AKNA: variants seen among roughly 807,000 people sequenced by gnomAD.
AKNA encodes the protein microtubule organization protein AKNA.
AKNA carries 67 observed loss-of-function variants against 138.8 expected under a neutral mutation model. The observed-to-expected ratio is 0.48, with a 90% CI of 0.40 to 0.59. The LOEUF (loss-of-function observed/expected upper bound fraction) is 0.59. Among genes scored for constraint, AKNA ranks in the 20% least tolerant of loss-of-function variants. The probability of loss-of-function intolerance (pLI) is 0.00; values close to 1 mark genes in which losing one functional copy is unlikely to be tolerated. For synonymous variants in AKNA, 737 were observed against 754.4 expected (o/e 0.98, Z 0.38); for missense variants, 1,813 against 1,880.4 (o/e 0.96, Z 0.66).
At chr9:114,352,611 T>C (rs183240591) in intron 14 of AKNA, among the ~76,000 whole-genome samples, 60 of 147,668 alleles carry the variant, frequency 4.1e-4, no homozygotes, top group Admixed American at 1.2e-3. Context: ...AAAAAAAGTT[T>C]AATTAAAAAC....
At chr9:114,342,901 C>T (rs867896656) in intron 19 of AKNA, among the ~76,000 whole-genome samples, 5 of 152,156 alleles carry the variant, frequency 3.3e-5, no homozygotes, top group African/African-American at 9.7e-5. Context: ...CAGGCATGAA[C>T]GGAGAGGCCT....
chr9:114,368,638 G>A (rs1345088959), intron 4 of AKNA, 43 bp from the exon 5 acceptor site: 2 of 1,322,366 alleles, frequency 1.5e-6, no homozygotes, highest in South Asian at 2.7e-5. Flanking sequence ...TCAGGGTAGG[G>A]GCAAACCCAC....
chr9:114,376,915 T>C lies in AKNA; in HGVS notation c.892A>G (p.Lys298Glu), dbSNP rs1298221311. The C allele has an allele frequency of 3.7e-6, 6 of 1,614,224 alleles. No homozygotes were observed. The highest frequency in any genetic ancestry group is 5.1e-6 in the Non-Finnish European group (6 of 1,180,030). The change falls in exon 3 of 22, where the codon AAG becomes GAG. Residue 298 changes from lysine (K) to glutamate (E), a missense_variant. Coordinates refer to ENST00000374088, the MANE Select transcript of AKNA (RefSeq NM_001317950.2). Reference protein sequence around the residue: ...FCPQPKEHIWKQTKTSPKPLP... With the variant: ...FCPQPKEHIWEQTKTSPKPLP... ...GGCTTAGGTGACGTCTTTGTCTGCT[T>C]CCAGATGTGTTCCTTGGGCTGAGGG...
At chr9:114,357,517 G>T (rs1431920660) in intron 12 of AKNA, among the ~76,000 whole-genome samples, 5 of 31,666 alleles carry the variant, frequency 1.6e-4, no homozygotes, top group Non-Finnish European at 3.2e-4. Context: ...CTACAGAAGT[G>T]TGTGTGTGTG....
At position 114,377,009 on chromosome 9, in the gene AKNA, T is replaced by G. The variant is rs753436871; in HGVS notation, c.798A>C (p.Ser266=). ...RATPMEFQDS[S]APPAQSPQHA... ...GCTGCGGACTCTGGGCTGGGGGAGCTGAGGAGTCCTGGAATTCCATGGGGG... is the reference window on the plus strand; with the variant it reads ...GCTGCGGACTCTGGGCTGGGGGAGCGGAGGAGTCCTGGAATTCCATGGGGG... The change falls in exon 3 of 22, where the codon TCA becomes TCC. Residue 266 remains serine (S), a synonymous_variant. Coordinates refer to ENST00000374088, the MANE Select transcript of AKNA (RefSeq NM_001317950.2). 25 of 1,613,848 alleles carry G rather than the reference T, an allele frequency of 1.5e-5. No individual in the cohort carries two copies. Among genetic ancestry groups the G allele is most frequent in the Non-Finnish European group, 1.9e-5 (23 of 1,179,960 alleles).
Position 114,377,643 on chromosome 9 carries a change from T to G in AKNA, c.275-111A>C. On this transcript the variant is annotated intron_variant, in intron 2 of 21. Coordinates refer to ENST00000374088, the MANE Select transcript of AKNA (RefSeq NM_001317950.2). ...CTTCCATTTCCTCATCACGTGGGGA[T>G]GGAAAGAATCCCAAGGTGGTGGTAG... 3 of 1,121,468 alleles carry G rather than the reference T, an allele frequency of 2.7e-6. No individual in the cohort carries two copies. In the South Asian group the frequency reaches 4.8e-5, roughly 18 times the overall value. 69.5% of individuals were successfully genotyped at this position (1,121,468 alleles called of 1,614,324 possible).
chr9:114,342,788 C>T (rs1830445157), intron 19 of AKNA, among the ~76,000 whole-genome samples: 2 of 151,492 alleles, frequency 1.3e-5, no homozygotes, highest in African/African-American at 4.9e-5. Context: ...TGCTCCCCTA[C>T]CCCAGCTTTG....
chr9:114,398,165 G>A (rs929313149), upstream of AKNA, among the ~76,000 whole-genome samples: 38 of 152,280 alleles, frequency 2.5e-4, no homozygotes, highest in African/African-American at 7.7e-4. The surrounding 1 kb of genome is among the most constrained non-coding windows in gnomAD (Gnocchi z 4.2). Context: ...GAGGCCGGAG[G>A]GTGGAGACTG....
rs181195161 is a variant in AKNA, at chr9:114,341,650, G to A, written c.3950C>T (p.Ser1317Leu). Residue 1317 changes from serine (S) to leucine (L), a missense_variant, in exon 21 of 22, where the codon TCG becomes TTG. Transcript: ENST00000374088. Reference sequence around the variant, plus strand: ...CAGTCCGGGGGGTGGGCGTGGCGACGACCCCGCCTGCTTGCTCCTCTGCTT... The same window carrying A: ...CAGTCCGGGGGGTGGGCGTGGCGACAACCCCGCCTGCTTGCTCCTCTGCTT... Reference protein sequence around the residue: ...SPKQRSKQAGSSPRPPPGLWY... With the variant: ...SPKQRSKQAGLSPRPPPGLWY... 3.3e-5 allele frequency: 53 copies of A among 1,609,906 alleles called. No individual in the cohort carries two copies. The East Asian group carries it at 4.9e-4, about 15-fold the overall frequency.
intron 6 of AKNA, 134 bp from the exon 7 acceptor site, chr9:114,364,753 A>G: frequency 1.1e-6 from 1 of 926,280 alleles, no homozygotes; most frequent in East Asian, 2.5e-5. Context: ...AAGCATGGAG[A>G]CGTGGGTGCT....
rs752206512 is a variant in AKNA at position 114,341,656 on chromosome 9, G to A, written c.3944C>T (p.Ala1315Val). Residue 1315 changes from alanine to valine, a missense_variant, in exon 21 of 22, where the codon GCG becomes GTG. By Grantham distance (64) the Ala-to-Val change is moderately conservative. Coordinates refer to ENST00000374088, the MANE Select transcript of AKNA (RefSeq NM_001317950.2). ...TPSPKQRSKQ[A>V]GSSPRPPPGL... ...GGGGGGTGGGCGTGGCGACGACCCCGCCTGCTTGCTCCTCTGCTTGGGGCT... is the reference window on the plus strand; with the variant it reads ...GGGGGGTGGGCGTGGCGACGACCCCACCTGCTTGCTCCTCTGCTTGGGGCT... 86 of 1,609,270 alleles carry A rather than the reference G, an allele frequency of 5.3e-5. No homozygotes were observed. Among genetic ancestry groups the A allele is most frequent in the East Asian group, 3.3e-4 (15 of 44,814 alleles).
chr9:114,360,367 T>C (rs73656048), intron 9 of AKNA, among the ~76,000 whole-genome samples: 7,799 of 152,204 alleles, frequency 0.051, 652 homozygotes, highest in African/African-American at 0.18. Context: ...CACGCTCAAA[T>C]GATTTGCCCA....
chr9:114,359,889 C>T lies in AKNA; in HGVS notation c.2291+7G>A, dbSNP rs1800984699. On this transcript the variant is annotated splice_region_variant and intron_variant, in intron 10 of 21. Transcript: ENST00000374088. The stretch of plus-strand genomic sequence containing the variant: ...AGACACCCTGGTCAGGTCCAGGTGG[C>T]ACTCACCGCTCCATGAGGCCATGGT... The T allele has an allele frequency of 6.2e-7, 1 of 1,614,096 alleles. No homozygotes were observed. The highest frequency in any genetic ancestry group is 1.7e-5 in the Admixed American group (1 of 60,010).
intron 2 of AKNA, among the ~76,000 whole-genome samples, chr9:114,378,515 G>A (rs1000459912): frequency 1.3e-5 from 2 of 152,212 alleles, no homozygotes; most frequent in East Asian, 3.8e-4. Context: ...TTGCAGTGCC[G>A]GTACCTGACA....
intron 14 of AKNA, among the ~76,000 whole-genome samples, chr9:114,355,122 C>A (rs955624151): frequency 1.3e-5 from 2 of 151,182 alleles, no homozygotes; most frequent in Non-Finnish European, 2.9e-5. Flanking sequence ...CCCACCTTGG[C>A]CTCCCAAAGT....
At position 114,368,030 on chromosome 9, in the gene AKNA, C is replaced by A. The variant is rs182930819; in HGVS notation, c.1574-333G>T. 3.1e-4 allele frequency among the ~76,000 whole-genome samples: 47 copies of A among 152,370 alleles called. 1 individual carries two copies. Among genetic ancestry groups the A allele is most frequent in the South Asian group, 6.2e-4 (3 of 4,832 alleles). ...CCCTCCATAGCTGTATGAACTTCAG[C>A]GTGTCCTCACCTCTCCAATTGGTCC... On this transcript the variant is annotated intron_variant, in intron 5 of 21. Coordinates refer to ENST00000374088, the MANE Select transcript of AKNA (RefSeq NM_001317950.2).
At chr9:114,388,366 G>A (rs574111663), upstream of AKNA, among the ~76,000 whole-genome samples, 29 of 152,300 alleles carry the variant, frequency 1.9e-4, no homozygotes, top group African/African-American at 6.5e-4. Flanking sequence ...GACCTTAGCC[G>A]AGGCTCCTTC....
rs201959374 is a variant in AKNA, at chr9:114,345,661, C to CTGAATGAA, written c.3661+194_3661+201dup. ...AAGGGGAAGCATCAGAAAGTGTTTG[C>CTGAATGAA]TGAATGAATGAATGAATGAATGAAT... On this transcript the variant is annotated intron_variant, in intron 18 of 21. Coordinates refer to ENST00000374088, the MANE Select transcript of AKNA (RefSeq NM_001317950.2). The CTGAATGAA allele has an allele frequency of 6.1e-3, 3,316 of 545,330 alleles. 101 individuals carry two copies. The highest frequency in any genetic ancestry group is 0.06 in the African/African-American group (2,958 of 49,286). 33.8% of individuals were successfully genotyped at this position (545,330 alleles called of 1,614,324 possible).
At position 114,377,066 on chromosome 9, in the gene AKNA, A is replaced by G. The variant is rs373965824; in HGVS notation, c.741T>C (p.Asp247=). Residue 247 remains aspartate (D), a synonymous_variant, in exon 3 of 22, where the codon GAT becomes GAC. Transcript: ENST00000374088. Reference sequence around the variant, plus strand: ...GAGCAACACTGCCTCCAGTTCTGCCATCTGGGCTTAGGAGGTGGTGGCTGG... The same window carrying G: ...GAGCAACACTGCCTCCAGTTCTGCCGTCTGGGCTTAGGAGGTGGTGGCTGG... ...EGPSHHLLSP[D]GRTGGSVARA... 3.7e-6 allele frequency: 6 copies of G among 1,614,088 alleles called. No individual in the cohort carries two copies. The highest frequency in any genetic ancestry group is 1.7e-5 in the Admixed American group (1 of 60,010).
Sources: gnomAD v4.1 joint callset for allele counts (sites outside exome capture counted in the v4.1 genomes callset) on GRCh38, gnomAD v4.1.1 for gene constraint, Gnocchi (gnomAD v3.1) non-coding constraint, MANE v1.5 for transcripts, NCBI Gene and HGNC (gene_info 2026-07-23, HGNC 2026-07-21) for gene names.